The following SNTG1 variants were observed in gnomAD, a reference collection of about 807,000 sequenced individuals.
The protein encoded by SNTG1 is syntrophin gamma 1.
SNTG1 carries 39 observed loss-of-function variants against 74.7 expected under a neutral mutation model. The ratio of observed to expected loss-of-function variants is 0.52; its 90% CI spans 0.40 to 0.68. The LOEUF (loss-of-function observed/expected upper bound fraction) is 0.68. Among genes scored for constraint, SNTG1 ranks in the 30% least tolerant of loss-of-function variants. SNTG1 has a pLI of 0.00. For synonymous variants in SNTG1, 254 were observed against 217.1 expected (o/e 1.17, Z -1.49); for missense variants, 685 against 609.5 (o/e 1.12, Z -1.30).
intron 2 of SNTG1, among the ~76,000 whole-genome samples, chr8:50,390,889 A>T (rs1389196488): frequency 6.6e-6 from 1 of 152,176 alleles, no homozygotes; most frequent in Admixed American, 6.5e-5. Flanking sequence ...ATTGGTGTAT[A>T]AGAATGCTTG....
chr8:50,669,415 CT>C (rs2095267475), intron 15 of SNTG1, among the ~76,000 whole-genome samples: 1 of 152,144 alleles, frequency 6.6e-6, no homozygotes, highest in African/African-American at 2.4e-5. Flanking sequence ...ACAAACAACT[CT>C]ATGCAAATAA....
Position 50,402,276 on chromosome 8 carries a change from G to C in SNTG1, c.94G>C (p.Ala32Pro). 6.2e-7 allele frequency: 1 copy of C among 1,613,762 alleles called. No homozygotes were observed. Residue 32 changes from alanine to proline, a missense_variant, in exon 4 of 19, where the codon GCC becomes CCC. Coordinates refer to ENST00000642720, the MANE Select transcript of SNTG1 (RefSeq NM_018967.5). The stretch of plus-strand genomic sequence containing the variant: ...GCCTTTCAAAGTGCGGCTGCACCTA[G>C]CCAAAGACATTTTGATGATCCAGGA... ...QEPFKVRLHL[A>P]KDILMIQEQD...
intron 2 of SNTG1, among the ~76,000 whole-genome samples, chr8:50,243,995 AT>A (rs1416428936): frequency 6.6e-6 from 1 of 152,134 alleles, no homozygotes; most frequent in Non-Finnish European, 1.5e-5. Flanking sequence ...AGACTGGGTG[AT>A]TTATAAAGAA....
chr8:50,692,013 T>A lies in SNTG1; in HGVS notation c.1039-12587T>A, dbSNP rs181169278. Among the ~76,000 whole-genome samples, 77 of 152,328 alleles carry A rather than the reference T, an allele frequency of 5.1e-4. No homozygotes were observed. In the East Asian group the frequency reaches 0.014, roughly 29 times the overall value. On this transcript the variant is annotated intron_variant, in intron 15 of 18. Transcript: ENST00000642720. ...TTTCATTCATTTCATCTTCCATCAC[T>A]GATACCCTTTCTTCCAGTTGATCTC...
At chr8:50,023,147 T>G (rs931874945) in intron 1 of SNTG1, among the ~76,000 whole-genome samples, 7 of 151,764 alleles carry the variant, frequency 4.6e-5, no homozygotes, top group Admixed American at 2.0e-4. Flanking sequence ...AAGAACAGAG[T>G]TTGTTTGATA....
At chr8:50,484,384 T>A (rs902057350) in intron 8 of SNTG1, among the ~76,000 whole-genome samples, 1 of 151,568 alleles carries the variant, frequency 6.6e-6, no homozygotes, top group Non-Finnish European at 1.5e-5. Context: ...CCTGGCTAAT[T>A]TTTTGTATTT....
intron 1 of SNTG1, among the ~76,000 whole-genome samples, chr8:49,976,431 A>G (rs1169700402): frequency 1.3e-5 from 2 of 152,186 alleles, no homozygotes; most frequent in African/African-American, 2.4e-5. Context: ...GTGGGGCTGA[A>G]TAAGCAGATA....
At chr8:50,299,490 A>G (rs1563863866) in intron 2 of SNTG1, among the ~76,000 whole-genome samples, 1 of 152,170 alleles carries the variant, frequency 6.6e-6, no homozygotes. Flanking sequence ...TGGGGAACAA[A>G]GAGACATCAT....
At chr8:50,222,229 C>CTT (rs2131997173) in intron 2 of SNTG1, among the ~76,000 whole-genome samples, 1 of 152,286 alleles carries the variant, frequency 6.6e-6, no homozygotes, top group Admixed American at 6.5e-5. Context: ...ACACCTACAA[C>CTT]TTATAGAAAC....
intron 4 of SNTG1, among the ~76,000 whole-genome samples, chr8:50,408,845 C>A (rs1365914718): frequency 6.6e-6 from 1 of 152,140 alleles, no homozygotes; most frequent in Non-Finnish European, 1.5e-5. Context: ...TATGTAAGGG[C>A]AGCCTCTGTG....
chr8:50,501,414 T>C (rs985849362), intron 8 of SNTG1, among the ~76,000 whole-genome samples: 4 of 143,876 alleles, frequency 2.8e-5, no homozygotes, highest in Admixed American at 7.2e-5. Flanking sequence ...CAGAGAGAGA[T>C]GAGCCTGTGC....
rs192014633 is a variant in SNTG1 at position 50,587,682 on chromosome 8, G to C, written c.811-3197G>C. ...TCTACTAAAAATACAAAAATTAGCT[G>C]GGTGTGGTGGTGCACGCCTGTAGTC... On this transcript the variant is annotated intron_variant, in intron 12 of 18. Coordinates refer to ENST00000642720, the MANE Select transcript of SNTG1 (RefSeq NM_018967.5). Among the ~76,000 whole-genome samples, 41 of 151,338 alleles carry C rather than the reference G, an allele frequency of 2.7e-4. 1 individual carries two copies. The highest frequency in any genetic ancestry group is 3.6e-3 in the Middle Eastern group (1 of 280).
intron 1 of SNTG1, among the ~76,000 whole-genome samples, chr8:50,171,390 T>C (rs2131649046): frequency 6.6e-6 from 1 of 152,250 alleles, no homozygotes; most frequent in African/African-American, 2.4e-5. Context: ...GCAGGAAGCA[T>C]CCAGCACAGG....
intron 1 of SNTG1, chr8:50,011,685 G>A (rs969355814): frequency 1.3e-5 from 2 of 151,832 alleles, no homozygotes; most frequent in Non-Finnish European, 2.9e-5. Flanking sequence ...TGGGGATTAT[G>A]GAATTATTTC....
chr8:50,413,180 G>A (rs2092970939), intron 4 of SNTG1, among the ~76,000 whole-genome samples: 1 of 152,172 alleles, frequency 6.6e-6, no homozygotes, highest in Non-Finnish European at 1.5e-5. Context: ...TTAAATGTGA[G>A]TGTAAAGTTC....
At chr8:50,424,986 T>C (rs2093142845) in intron 4 of SNTG1, among the ~76,000 whole-genome samples, 1 of 152,198 alleles carries the variant, frequency 6.6e-6, no homozygotes, top group South Asian at 2.1e-4. Context: ...ATATAAAAAG[T>C]GTATGTGTGT....
chr8:50,077,641 A>G (rs1454783229), intron 1 of SNTG1, among the ~76,000 whole-genome samples: 2 of 152,208 alleles, frequency 1.3e-5, no homozygotes, highest in East Asian at 3.8e-4. Flanking sequence ...AGCAATTTAT[A>G]CTATTGTCCA....
intron 1 of SNTG1, among the ~76,000 whole-genome samples, chr8:49,992,034 T>C (rs955690761): frequency 7.2e-5 from 11 of 152,338 alleles, no homozygotes; most frequent in Middle Eastern, 3.4e-3. Flanking sequence ...GCTATCATTA[T>C]ACTGTACTGT....
chr8:50,086,920 T>C (rs1183426804), intron 1 of SNTG1, among the ~76,000 whole-genome samples: 3 of 152,196 alleles, frequency 2.0e-5, no homozygotes, highest in East Asian at 1.9e-4. Flanking sequence ...TTTTTAAACA[T>C]TGGAAACGGA....
Sources: gnomAD v4.1 joint callset for allele counts (sites outside exome capture counted in the v4.1 genomes callset) on GRCh38, gnomAD v4.1.1 for gene constraint, MANE v1.5 for transcripts, NCBI Gene and HGNC (gene_info 2026-07-23, HGNC 2026-07-21) for gene names.